The following MAML3 variants were observed in gnomAD, a reference collection of about 807,000 sequenced individuals.
MAML3 encodes mastermind-like protein 3.
MAML3 carries 27 observed loss-of-function variants against 101.9 expected under a neutral mutation model. That is an observed-to-expected ratio of 0.27 (90% CI 0.20 to 0.37). The LOEUF (loss-of-function observed/expected upper bound fraction) is 0.37. Among genes scored for constraint, MAML3 ranks in the 10% least tolerant of loss-of-function variants. The probability of loss-of-function intolerance (pLI) is 1.00; values close to 1 mark genes in which losing one functional copy is unlikely to be tolerated. For missense variants in MAML3, 1,316 were observed against 1,444.9 expected (o/e 0.91, Z 1.45); for synonymous variants, 501 against 555.9 (o/e 0.90, Z 1.39).
chr4:139,870,506 T>G (rs982058673), intron 2 of MAML3, among the ~76,000 whole-genome samples: 4 of 152,218 alleles, frequency 2.6e-5, no homozygotes, highest in Non-Finnish European at 5.9e-5. Context: ...AATTGCTTTT[T>G]AAGCATTAGA....
At chr4:140,103,706 T>C (rs942982142) in intron 1 of MAML3, among the ~76,000 whole-genome samples, 2 of 152,188 alleles carry the variant, frequency 1.3e-5, no homozygotes, top group Non-Finnish European at 2.9e-5. Context: ...CTACAACAAA[T>C]ATGAGACACA....
chr4:140,036,536 T>C (rs1488494099), intron 1 of MAML3, among the ~76,000 whole-genome samples: 1 of 152,204 alleles, frequency 6.6e-6, no homozygotes, highest in Non-Finnish European at 1.5e-5. Flanking sequence ...ACTTCTTTGA[T>C]GGCTCAGTGT....
Position 139,720,326 on chromosome 4 carries a change from G to A in MAML3, c.2417-3C>T, listed in dbSNP as rs879014323. ...GGCTGCTATATCCTGGGGAGAACCT[G>A]CAGTGAAAAAGAGGACACATACCAC... On this transcript the variant is annotated splice_polypyrimidine_tract_variant and splice_region_variant and intron_variant, in intron 4 of 4. Transcript: ENST00000509479. 1.3e-6 allele frequency: 2 copies of A among 1,519,678 alleles called. No individual in the cohort carries two copies. The highest frequency in any genetic ancestry group is 2.6e-5 in the South Asian group (2 of 75,864). The allele number at this position is 1,519,678 out of a possible 1,614,324, so 94.1% of individuals were successfully genotyped here. A position where few individuals can be genotyped will look rare whatever the true frequency, so the allele number is the denominator to read the frequency against.
chr4:140,055,688 C>T (rs1727338826), intron 1 of MAML3, among the ~76,000 whole-genome samples: 1 of 151,906 alleles, frequency 6.6e-6, no homozygotes, highest in Non-Finnish European at 1.5e-5. Flanking sequence ...CTACAAAAAG[C>T]CAAAGGTACA....
intron 2 of MAML3, among the ~76,000 whole-genome samples, chr4:139,824,825 C>T (rs1476429329): frequency 1.3e-5 from 2 of 152,088 alleles, no homozygotes; most frequent in South Asian, 2.1e-4. Context: ...TCCTTGGAGA[C>T]GCATCTGTCT....
intron 1 of MAML3, among the ~76,000 whole-genome samples, chr4:140,091,476 C>A (rs1728046512): frequency 1.4e-5 from 2 of 140,102 alleles, no homozygotes; most frequent in African/African-American, 5.2e-5. Flanking sequence ...AGGCAAGAGG[C>A]TGGTTAGAAC....
chr4:139,926,659 T>G (rs1733269448), intron 1 of MAML3, among the ~76,000 whole-genome samples: 1 of 152,236 alleles, frequency 6.6e-6, no homozygotes. Flanking sequence ...ACAATTTATG[T>G]AATTAATTAA....
At chr4:139,720,888 A>G (rs1012898377) in intron 4 of MAML3, among the ~76,000 whole-genome samples, 7 of 152,118 alleles carry the variant, frequency 4.6e-5, no homozygotes, top group African/African-American at 1.7e-4. Context: ...CCATTAGACT[A>G]ATTTCCCTTA....
intron 1 of MAML3, among the ~76,000 whole-genome samples, chr4:140,025,698 AT>A (rs1414207894): frequency 6.6e-6 from 1 of 152,156 alleles, no homozygotes; most frequent in African/African-American, 2.4e-5. Context: ...TTTCAGGAAG[AT>A]TTTACAACAC....
chr4:139,851,323 G>A (rs923650977), intron 2 of MAML3, among the ~76,000 whole-genome samples: 3 of 152,182 alleles, frequency 2.0e-5, no homozygotes, highest in East Asian at 1.9e-4. Context: ...GATATAACAC[G>A]CCACCTGGAC....
At chr4:139,924,879 C>T (rs971621552) in intron 1 of MAML3, among the ~76,000 whole-genome samples, 1 of 152,304 alleles carries the variant, frequency 6.6e-6, no homozygotes, top group Admixed American at 6.5e-5. Flanking sequence ...TCAAAAATTA[C>T]TAGAATGCTT....
At chr4:140,014,017 A>G (rs1726605161) in intron 1 of MAML3, among the ~76,000 whole-genome samples, 1 of 152,246 alleles carries the variant, frequency 6.6e-6, no homozygotes, top group Non-Finnish European at 1.5e-5. Context: ...TGGTATGGGC[A>G]AAGCCAATCG....
chr4:139,986,336 A>G (rs1560857522), intron 1 of MAML3, among the ~76,000 whole-genome samples: 1 of 152,246 alleles, frequency 6.6e-6, no homozygotes, highest in Non-Finnish European at 1.5e-5. Context: ...ATATTTGCCA[A>G]GATCCAAGGA....
At chr4:140,144,798 C>T (rs1291785727) in intron 1 of MAML3, among the ~76,000 whole-genome samples, 1 of 152,172 alleles carries the variant, frequency 6.6e-6, no homozygotes, top group Non-Finnish European at 1.5e-5. Flanking sequence ...TGTTTACCCA[C>T]ACCTGCTCTC....
At chr4:139,969,968 G>A (rs967932470) in intron 1 of MAML3, among the ~76,000 whole-genome samples, 1 of 152,142 alleles carries the variant, frequency 6.6e-6, no homozygotes, top group African/African-American at 2.4e-5. Flanking sequence ...ACCTTGATCT[G>A]CCACTAACAT....
intron 1 of MAML3, among the ~76,000 whole-genome samples, chr4:139,976,676 T>G (rs762858870): frequency 1.3e-5 from 2 of 152,228 alleles, no homozygotes; most frequent in Non-Finnish European, 2.9e-5. Flanking sequence ...GTCCTACATT[T>G]CTGCAAATTC....
At chr4:139,749,425 C>T (rs116733049) in intron 2 of MAML3, among the ~76,000 whole-genome samples, 77 of 152,278 alleles carry the variant, frequency 5.1e-4, no homozygotes, top group African/African-American at 1.6e-3. Flanking sequence ...CAGATCTAAG[C>T]GAAATCTGAT....
rs1245015533 is a variant in MAML3 at position 139,785,266 on chromosome 4, G to A, written c.2080-54599C>T. ...GGTGCCGGATCCTGATACCAAGACC[G>A]AGGACATGGATGGGGTTTTGCTGTT... On this transcript the variant is annotated intron_variant, in intron 2 of 4. Coordinates refer to ENST00000509479, the MANE Select transcript of MAML3 (RefSeq NM_018717.5). This position sits in a 1 kb window ranked among gnomAD's most constrained non-coding sequence, Gnocchi z 4.3. Among the ~76,000 whole-genome samples, 1 of 152,170 alleles carries A rather than the reference G, an allele frequency of 6.6e-6. No individual in the cohort carries two copies. Among genetic ancestry groups the A allele is most frequent in the Non-Finnish European group, 1.5e-5 (1 of 68,036 alleles).
At chr4:139,936,782 C>T (rs577508370) in intron 1 of MAML3, among the ~76,000 whole-genome samples, 26 of 152,186 alleles carry the variant, frequency 1.7e-4, no homozygotes, top group African/African-American at 5.5e-4. Flanking sequence ...TTATCTTTTC[C>T]CCCAACTCCT....
Sources: gnomAD v4.1 joint callset for allele counts (sites outside exome capture counted in the v4.1 genomes callset) on GRCh38, gnomAD v4.1.1 for gene constraint, Gnocchi (gnomAD v3.1) non-coding constraint, MANE v1.5 for transcripts, NCBI Gene and HGNC (gene_info 2026-07-23, HGNC 2026-07-21) for gene names.